The following FOXK1 variants were observed in gnomAD, a reference collection of about 807,000 sequenced individuals.
The protein encoded by FOXK1 is forkhead box K1.
FOXK1 carries 19 observed loss-of-function variants against 51.9 expected under a neutral mutation model. The observed-to-expected ratio is 0.37, with a 90% confidence interval of 0.26 to 0.54. FOXK1 has a LOEUF of 0.54. Ranked by LOEUF, FOXK1 falls within the 20% of genes least tolerant of loss-of-function variation. FOXK1 has a pLI of 0.87. For missense variants in FOXK1, 870 were observed against 1,032.7 expected (o/e 0.84, Z 2.16); for synonymous variants, 537 against 482.6 (o/e 1.11, Z -1.48).
chr7:4,689,786 C>T (rs142535801), intron 1 of FOXK1, among the ~76,000 whole-genome samples: 16 of 152,310 alleles, frequency 1.1e-4, no homozygotes, highest in Non-Finnish European at 1.9e-4. Flanking sequence ...TGCCCCACTA[C>T]GTGGCATCAA....
chr7:4,745,306 C>T lies in FOXK1; in HGVS notation c.746+4283C>T, dbSNP rs1479423157. 1.3e-5 allele frequency among the ~76,000 whole-genome samples: 2 copies of T among 152,166 alleles called. No individual in the cohort carries two copies. Among genetic ancestry groups the T allele is most frequent in the Non-Finnish European group, 2.9e-5 (2 of 68,028 alleles). ...CCGGGCTCGCCCAGGGCCCCTCATT[C>T]CCAGGAGTCGGGAGTGGCTTGGGAG... On this transcript the variant is annotated intron_variant, in intron 2 of 8. Coordinates refer to ENST00000328914, the MANE Select transcript of FOXK1 (RefSeq NM_001037165.2). The surrounding 1 kb of genome is among the most constrained non-coding windows in gnomAD (Gnocchi z 4.3).
rs189736283 is a variant in FOXK1, at chr7:4,764,687, G to A, written c.*2223G>A. ...ACCTGCTGCTGCTCTCTCCCGCGTG[G>A]TGACTATATGTCCTCAGGGCTGCCT... On this transcript the variant is annotated 3_prime_UTR_variant, in exon 9 of 9. Transcript: ENST00000328914. The A allele has an allele frequency of 6.6e-6, 1 of 152,444 alleles. No individual in the cohort carries two copies. The highest frequency in any genetic ancestry group is 2.4e-5 in the African/African-American group (1 of 41,454). 9.4% of individuals were successfully genotyped at this position (152,444 alleles called of 1,614,324 possible).
In FOXK1 at chr7:4,771,346, T is replaced by C. The variant is rs1341717692; in HGVS notation, c.*8882T>C. ...TTTTCATTTATTTTAACTGTTCTTT[T>C]ATCTATTAAATTGTTGTATGTGGAT... is the stretch of plus-strand genomic sequence containing the variant. On this transcript the variant is annotated 3_prime_UTR_variant, in exon 9 of 9. Coordinates refer to ENST00000328914, the MANE Select transcript of FOXK1 (RefSeq NM_001037165.2). The C allele has an allele frequency of 6.6e-6, 1 of 152,668 alleles. No homozygotes were observed. Among genetic ancestry groups the C allele is most frequent in the African/African-American group, 2.4e-5 (1 of 41,450 alleles). The allele number at this position is 152,668 out of a possible 1,614,324, so 9.5% of individuals were successfully genotyped here.
chr7:4,700,640 A>T (rs1271131201), intron 1 of FOXK1, among the ~76,000 whole-genome samples: 1 of 151,884 alleles, frequency 6.6e-6, no homozygotes, highest in Non-Finnish European at 1.5e-5. Flanking sequence ...ACATGGTGAA[A>T]CCCCGTCTCT....
At position 4,767,226 on chromosome 7, in the gene FOXK1, T is replaced by A. The variant is rs1781024277; in HGVS notation, c.*4762T>A. On this transcript the variant is annotated 3_prime_UTR_variant, in exon 9 of 9. Coordinates refer to ENST00000328914, the MANE Select transcript of FOXK1 (RefSeq NM_001037165.2). This position sits in a 1 kb window ranked among gnomAD's most constrained non-coding sequence, Gnocchi z 6.6. ...GCCCCCCTAAAAAAAGGCTTCAGAG[T>A]CACCGGCATGCCGCCTCACGTTGCA... 6.6e-6 allele frequency: 1 copy of A among 152,228 alleles called. No homozygotes were observed. The highest frequency in any genetic ancestry group is 2.4e-5 in the African/African-American group (1 of 41,438). The allele number at this position is 152,228 out of a possible 1,614,324, so 9.4% of individuals were successfully genotyped here.
intron 1 of FOXK1, among the ~76,000 whole-genome samples, chr7:4,737,572 G>GTGTA (rs1038024447): frequency 6.6e-6 from 1 of 152,016 alleles, no homozygotes; most frequent in African/African-American, 2.4e-5. Context: ...GTGTGTGTGT[G>GTGTA]TGCATGCATG....
In FOXK1 at chr7:4,769,888, G is replaced by A. The variant is rs1781074946; in HGVS notation, c.*7424G>A. 6.6e-6 allele frequency: 1 copy of A among 152,164 alleles called. No individual in the cohort carries two copies. Among genetic ancestry groups the A allele is most frequent in the Admixed American group, 6.6e-5 (1 of 15,266 alleles). 9.4% of individuals were successfully genotyped at this position (152,164 alleles called of 1,614,324 possible). A position where few individuals can be genotyped will look rare whatever the true frequency, so the allele number is the denominator to read the frequency against. ...AATTGTTTGCTCATTTGAGTGGTTG[G>A]TGGTTTGCCCTGTGTCAGACACGGT... On this transcript the variant is annotated 3_prime_UTR_variant, in exon 9 of 9. Transcript: ENST00000328914. The surrounding 1 kb of genome is among the most constrained non-coding windows in gnomAD (Gnocchi z 4.1).
rs1780118556 is a variant in FOXK1 at position 4,707,595 on chromosome 7, T to C, written c.560+24727T>C. 6.6e-6 allele frequency among the ~76,000 whole-genome samples: 1 copy of C among 152,126 alleles called. No individual in the cohort carries two copies. Among genetic ancestry groups the C allele is most frequent in the Non-Finnish European group, 1.5e-5 (1 of 68,028 alleles). On this transcript the variant is annotated intron_variant, in intron 1 of 8. Transcript: ENST00000328914. The surrounding 1 kb of genome is among the most constrained non-coding windows in gnomAD (Gnocchi z 4.1). ...TTACGCCTTCCTTTCCGGGTTTTCCTGGAGAAGGCTGCCTCACTGGGTCTT... is the reference window on the plus strand; with the variant it reads ...TTACGCCTTCCTTTCCGGGTTTTCCCGGAGAAGGCTGCCTCACTGGGTCTT...
At position 4,743,381 on chromosome 7, in the gene FOXK1, C is replaced by G. The variant is rs893476903; in HGVS notation, c.746+2358C>G. On this transcript the variant is annotated intron_variant, in intron 2 of 8. Transcript: ENST00000328914. This position sits in a 1 kb window ranked among gnomAD's most constrained non-coding sequence, Gnocchi z 5.3. ...CCTGGGCAACATGGTGAAACCCCGT[C>G]TCTACTAAAAATACAAAAATCAGCC... Among the ~76,000 whole-genome samples, 1 of 152,090 alleles carries G rather than the reference C, an allele frequency of 6.6e-6. No individual in the cohort carries two copies. Among genetic ancestry groups the G allele is most frequent in the Non-Finnish European group, 1.5e-5 (1 of 68,022 alleles).
chr7:4,692,964 C>G (rs1779912232), intron 1 of FOXK1, among the ~76,000 whole-genome samples: 1 of 152,110 alleles, frequency 6.6e-6, no homozygotes, highest in African/African-American at 2.4e-5. Context: ...GTCTCAAACT[C>G]CTGGCCTTAA....
rs573584760 is a variant in FOXK1, at chr7:4,747,631, G to A, written c.746+6608G>A. Among the ~76,000 whole-genome samples the A allele has an allele frequency of 7.6e-4, 115 of 151,690 alleles. No homozygotes were observed. The highest frequency in any genetic ancestry group is 1.4e-3 in the Non-Finnish European group (98 of 67,886). On this transcript the variant is annotated intron_variant, in intron 2 of 8. Transcript: ENST00000328914. This position sits in a 1 kb window ranked among gnomAD's most constrained non-coding sequence, Gnocchi z 9.2. ...GCTCACTGCAACCTCAACCTCCCGG[G>A]CTCAAGCGATCCTCCCACTGCAGCC...
intron 1 of FOXK1, among the ~76,000 whole-genome samples, chr7:4,719,062 G>A (rs543966311): frequency 6.6e-6 from 1 of 152,236 alleles, no homozygotes; most frequent in East Asian, 1.9e-4. Flanking sequence ...ACCCACCTTG[G>A]CCTCCCAAAG....
In FOXK1 at chr7:4,707,926, A is replaced by G. The variant is rs1780125414; in HGVS notation, c.560+25058A>G. 1.3e-5 allele frequency among the ~76,000 whole-genome samples: 2 copies of G among 151,506 alleles called. No homozygotes were observed. The highest frequency in any genetic ancestry group is 2.1e-4 in the South Asian group (1 of 4,788). On this transcript the variant is annotated intron_variant, in intron 1 of 8. Coordinates refer to ENST00000328914, the MANE Select transcript of FOXK1 (RefSeq NM_001037165.2). The surrounding 1 kb of genome is among the most constrained non-coding windows in gnomAD (Gnocchi z 4.1). ...CACGAACTCCTGCCCCAAGTGATCC[A>G]CCCTCCTCAGCCTCCCAAAGTGCTG...
In FOXK1 at chr7:4,743,348, G is replaced by A. The variant is rs575722342; in HGVS notation, c.746+2325G>A. Among the ~76,000 whole-genome samples, 6 of 152,228 alleles carry A rather than the reference G, an allele frequency of 3.9e-5. No homozygotes were observed. The highest frequency in any genetic ancestry group is 2.1e-4 in the South Asian group (1 of 4,824). ...CGGGTGGATCACTTGAAGCCAGTTCGAGATCAGCCTGGGCAACATGGTGAA... is the reference window on the plus strand; with the variant it reads ...CGGGTGGATCACTTGAAGCCAGTTCAAGATCAGCCTGGGCAACATGGTGAA... On this transcript the variant is annotated intron_variant, in intron 2 of 8. Transcript: ENST00000328914. The surrounding 1 kb of genome is among the most constrained non-coding windows in gnomAD (Gnocchi z 5.3).
Position 4,682,339 on chromosome 7 carries a change from C to T in FOXK1, c.31C>T (p.Arg11Cys), listed in dbSNP as rs1395088206. 3 of 994,078 alleles carry T rather than the reference C, an allele frequency of 3.0e-6. No individual in the cohort carries two copies. Among genetic ancestry groups the T allele is most frequent in the African/African-American group, 1.8e-5 (1 of 56,768 alleles). 61.6% of individuals were successfully genotyped at this position (994,078 alleles called of 1,614,324 possible). A position where few individuals can be genotyped will look rare whatever the true frequency, so the allele number is the denominator to read the frequency against. The change falls in exon 1 of 9, where the codon CGC (arginine) becomes TGC (cysteine). Residue 11 changes from arginine (R) to cysteine (C), a missense_variant. Around this residue, in one of 3 missense-constraint regions of FOXK1, gnomAD observed 399 missense variants for 475.6 expected, o/e 0.84. Transcript: ENST00000328914. This position sits in a 1 kb window ranked among gnomAD's most constrained non-coding sequence, Gnocchi z 7.6. MAEVGEDSGA[R>C]ALLALRSAPC... is the part of the protein sequence containing the mutation. ...CGAAGTCGGCGAGGACAGCGGCGCC[C>T]GCGCCCTGCTCGCGCTGCGCTCGGC...
rs150443254 is a variant in FOXK1, at chr7:4,752,502, T to C, written c.747-1957T>C. 6.2e-3 allele frequency among the ~76,000 whole-genome samples: 937 copies of C among 152,346 alleles called. 6 individuals are homozygous for C. Among genetic ancestry groups the C allele is most frequent in the South Asian group, 0.016 (79 of 4,830 alleles). Reference sequence around the variant, plus strand: ...ACTGCTGGGAACAGGAGCAGGTCCCTGCCACACGTGCTGGGCCATCACTGT... The same window carrying C: ...ACTGCTGGGAACAGGAGCAGGTCCCCGCCACACGTGCTGGGCCATCACTGT... On this transcript the variant is annotated intron_variant, in intron 2 of 8. Transcript: ENST00000328914.
rs910553211 is a variant in FOXK1, at chr7:4,767,217, G to C, written c.*4753G>C. On this transcript the variant is annotated 3_prime_UTR_variant, in exon 9 of 9. Coordinates refer to ENST00000328914, the MANE Select transcript of FOXK1 (RefSeq NM_001037165.2). This position sits in a 1 kb window ranked among gnomAD's most constrained non-coding sequence, Gnocchi z 6.6. ...TCTGAGAAAGCCCCCCTAAAAAAAG[G>C]CTTCAGAGTCACCGGCATGCCGCCT... The C allele has an allele frequency of 3.9e-5, 6 of 152,274 alleles. No homozygotes were observed. The highest frequency in any genetic ancestry group is 1.4e-4 in the African/African-American group (6 of 41,458). 9.4% of individuals were successfully genotyped at this position (152,274 alleles called of 1,614,324 possible).
intron 1 of FOXK1, among the ~76,000 whole-genome samples, chr7:4,684,267 TTGTC>T (rs768981067): frequency 3.9e-5 from 6 of 152,210 alleles, no homozygotes; most frequent in East Asian, 1.9e-4. Flanking sequence ...TTGTTCAGGG[TTGTC>T]TGTCTAATTA....
rs1780084511 is a variant in FOXK1 at position 4,705,928 on chromosome 7, CA to C, written c.560+23061del. On this transcript the variant is annotated intron_variant, in intron 1 of 8. Transcript: ENST00000328914. Reference sequence around the variant, plus strand: ...GGTTATATATCTATATAAACTATATCATTTCCAACTTTCAAAATTATATATA... The same window carrying C: ...GGTTATATATCTATATAAACTATATCTTTCCAACTTTCAAAATTATATATA... Among the ~76,000 whole-genome samples the C allele has an allele frequency of 2.1e-5, 3 of 146,288 alleles. No homozygotes were observed. In the East Asian group the frequency reaches 6.0e-4, roughly 29 times the overall value.
Sources: gnomAD v4.1 joint callset for allele counts (sites outside exome capture counted in the v4.1 genomes callset) on GRCh38, gnomAD v4.1.1 for gene constraint, gnomAD v4.1.1 regional missense constraint, Gnocchi (gnomAD v3.1) non-coding constraint, MANE v1.5 for transcripts, NCBI Gene and HGNC (gene_info 2026-07-23, HGNC 2026-07-21) for gene names.